Variants in GNAI3 observed in about 807,000 individuals in gnomAD.
GNAI3 encodes guanine nucleotide-binding protein G(i) subunit alpha-3.
GNAI3 carries 12 observed loss-of-function variants against 41.8 expected under a neutral mutation model. That is an observed-to-expected ratio of 0.29 (90% CI 0.18 to 0.47). The LOEUF (loss-of-function observed/expected upper bound fraction) is 0.47. Among genes scored for constraint, GNAI3 ranks in the 20% least tolerant of loss-of-function variants. The pLI, the probability that GNAI3 is intolerant of heterozygous loss-of-function variation, is 1.00. For missense variants in GNAI3, 360 were observed against 429.6 expected, an observed-to-expected ratio of 0.84 and a Z score of 1.43; for synonymous variants, 132 against 146.5, an observed-to-expected ratio of 0.90 and a Z score of 0.71.
intron 1 of GNAI3, among the ~76,000 whole-genome samples, chr1:109,556,375 G>A (rs1431796966): frequency 6.6e-6 from 1 of 151,978 alleles, no homozygotes; most frequent in East Asian, 1.9e-4. Context: ...CTGTAACCAG[G>A]AAAAAACAAT....
rs561876959 is a variant in GNAI3 at position 109,594,716 on chromosome 1, G to C, written c.*2394G>C. 1 of 142,886 alleles carries C rather than the reference G, an allele frequency of 7.0e-6. No homozygotes were observed. Among genetic ancestry groups the C allele is most frequent in the African/African-American group, 2.6e-5 (1 of 37,856 alleles). The allele number at this position is 142,886 out of a possible 1,614,324, so 8.9% of individuals were successfully genotyped here. ...CGCCCAGGCTGGAGTGCAGTGGCGC[G>C]ATCTCGGCTTATTGCAAGCTCTGCC... is the stretch of plus-strand genomic sequence containing the variant. On this transcript the variant is annotated 3_prime_UTR_variant, in exon 9 of 9. Coordinates refer to ENST00000369851, the MANE Select transcript of GNAI3 (RefSeq NM_006496.4).
At chr1:109,553,759 C>T (rs1386102696) in intron 1 of GNAI3, among the ~76,000 whole-genome samples, 1 of 152,088 alleles carries the variant, frequency 6.6e-6, no homozygotes. Context: ...TGTTTGGTTA[C>T]GTGAATAAGT....
Position 109,565,053 on chromosome 1 carries a change from G to T in GNAI3, c.119-8684G>T, listed in dbSNP as rs144284559. On this transcript the variant is annotated intron_variant, in intron 1 of 8. Transcript: ENST00000369851. ...CGAGGCTGGTGGATCATGAGGTCAA[G>T]AGTTCAAGACCAGCCTGGCCAAGAT... Among the ~76,000 whole-genome samples the T allele has an allele frequency of 6.7e-4, 102 of 152,088 alleles. 1 individual carries two copies. In the East Asian group the frequency reaches 0.018, roughly 27 times the overall value.
Position 109,598,627 on chromosome 1 carries a change from G to A in GNAI3, c.*6305G>A, listed in dbSNP as rs1649372793. On this transcript the variant is annotated 3_prime_UTR_variant, in exon 9 of 9. Transcript: ENST00000369851. ...ATTCATTTTGAAGACCTGAAATGAA[G>A]TTGAACTATAAATTGCTCTAAAATT... 4.3e-6 allele frequency: 1 copy of A among 232,966 alleles called. No individual in the cohort carries two copies. The highest frequency in any genetic ancestry group is 4.7e-5 in the South Asian group (1 of 21,242). 14.4% of individuals were successfully genotyped at this position (232,966 alleles called of 1,614,324 possible).
At chr1:109,576,428 T>G (rs528610552) in intron 3 of GNAI3, among the ~76,000 whole-genome samples, 9 of 151,984 alleles carry the variant, frequency 5.9e-5, no homozygotes, top group Non-Finnish European at 1.3e-4. Flanking sequence ...TAGAGCTGAG[T>G]GTGGAATAGG....
chr1:109,598,404 A>T lies in GNAI3; in HGVS notation c.*6082A>T, dbSNP rs958827192. On this transcript the variant is annotated 3_prime_UTR_variant, in exon 9 of 9. Coordinates refer to ENST00000369851, the MANE Select transcript of GNAI3 (RefSeq NM_006496.4). The stretch of plus-strand genomic sequence containing the variant: ...TTCAGTCTTAAATCACTCATCTGTT[A>T]TCTAAAGATGGACTAAATTATTCCT... The T allele has an allele frequency of 2.0e-5, 3 of 153,030 alleles. No individual in the cohort carries two copies. Among genetic ancestry groups the T allele is most frequent in the East Asian group, 1.9e-4 (1 of 5,212 alleles). The allele number at this position is 153,030 out of a possible 1,614,324, so 9.5% of individuals were successfully genotyped here.
At chr1:109,571,624 C>T (rs974583073) in intron 1 of GNAI3, among the ~76,000 whole-genome samples, 1 of 152,024 alleles carries the variant, frequency 6.6e-6, no homozygotes, top group Non-Finnish European at 1.5e-5. Flanking sequence ...AGTGTTTAAG[C>T]CATGAGATTA....
intron 1 of GNAI3, among the ~76,000 whole-genome samples, chr1:109,570,555 G>A (rs975622385): frequency 3.3e-5 from 5 of 152,196 alleles, no homozygotes; most frequent in Admixed American, 2.0e-4. Context: ...GACGGGGTGG[G>A]AGCTATTTAG....
chr1:109,561,409 G>T (rs1648304492), intron 1 of GNAI3, among the ~76,000 whole-genome samples: 1 of 152,126 alleles, frequency 6.6e-6, no homozygotes, highest in Admixed American at 6.6e-5. Flanking sequence ...AAAACACTCA[G>T]GGATTAATAT....
intron 4 of GNAI3, among the ~76,000 whole-genome samples, chr1:109,580,407 C>T (rs1648863137): frequency 6.6e-6 from 1 of 152,048 alleles, no homozygotes. Context: ...GTTTTTTCTC[C>T]AATATTACTG....
chr1:109,562,925 A>G (rs183126974), intron 1 of GNAI3, among the ~76,000 whole-genome samples: 8 of 152,316 alleles, frequency 5.3e-5, no homozygotes, highest in African/African-American at 1.7e-4. Context: ...TTAAAATGAA[A>G]TATTTGGATT....
At chr1:109,555,977 T>C (rs879641638) in intron 1 of GNAI3, among the ~76,000 whole-genome samples, 9,471 of 148,970 alleles carry the variant, frequency 0.064, 361 homozygotes, top group Middle Eastern at 0.09. Context: ...TGTGTGTGTG[T>C]GTGTGTGTGT....
Position 109,598,897 on chromosome 1 carries a change from G to A in GNAI3, c.*6575G>A, listed in dbSNP as rs1308528957. The A allele has an allele frequency of 3.7e-6, 2 of 534,800 alleles. No individual in the cohort carries two copies. The highest frequency in any genetic ancestry group is 7.7e-6 in the Non-Finnish European group (2 of 260,006). 33.1% of individuals were successfully genotyped at this position (534,800 alleles called of 1,614,324 possible). Reference sequence around the variant, plus strand: ...TTCTGGAATCTGTGCTCTGGGGGCTGTGCCGGGTAGAGAGGGCAGTGGGAG... The same window carrying A: ...TTCTGGAATCTGTGCTCTGGGGGCTATGCCGGGTAGAGAGGGCAGTGGGAG... On this transcript the variant is annotated 3_prime_UTR_variant, in exon 9 of 9. Transcript: ENST00000369851.
intron 1 of GNAI3, among the ~76,000 whole-genome samples, chr1:109,559,153 G>C: frequency 6.6e-6 from 1 of 151,870 alleles, no homozygotes; most frequent in Non-Finnish European, 1.5e-5. Context: ...ACTCCATCCA[G>C]CCTGGGTGAC....
intron 5 of GNAI3, among the ~76,000 whole-genome samples, 182 bp downstream of exon 5, chr1:109,582,747 A>G (rs954800850): frequency 1.3e-5 from 2 of 152,210 alleles, no homozygotes; most frequent in Non-Finnish European, 2.9e-5. Flanking sequence ...GTTTCTCCAA[A>G]TAGCGTCAAA....
chr1:109,559,679 A>C (rs180705236), intron 1 of GNAI3, among the ~76,000 whole-genome samples: 17 of 152,356 alleles, frequency 1.1e-4, no homozygotes, highest in Non-Finnish European at 2.2e-4. Context: ...TGTTCAAAAG[A>C]AAATACAAAG....
chr1:109,582,299 C>A (rs935448417), intron 4 of GNAI3, 138 bp from the exon 5 acceptor site: 8 of 571,434 alleles, frequency 1.4e-5, no homozygotes, highest in Non-Finnish European at 2.5e-5. Flanking sequence ...CTTATCATTT[C>A]TATGATACTG....
chr1:109,560,529 G>A (rs1335852286), intron 1 of GNAI3, among the ~76,000 whole-genome samples: 2 of 151,998 alleles, frequency 1.3e-5, no homozygotes, highest in African/African-American at 2.4e-5. Flanking sequence ...AGTTGAGGCC[G>A]GAGGACTAGC....
chr1:109,589,696 T>G, intron 7 of GNAI3, among the ~76,000 whole-genome samples: 1 of 152,226 alleles, frequency 6.6e-6, no homozygotes, highest in East Asian at 1.9e-4. Flanking sequence ...GTACAACTTG[T>G]ATGAAACTCA....
Sources: gnomAD v4.1 joint callset for allele counts (sites outside exome capture counted in the v4.1 genomes callset) on GRCh38, gnomAD v4.1.1 for gene constraint, MANE v1.5 for transcripts, NCBI Gene and HGNC (gene_info 2026-07-23, HGNC 2026-07-21) for gene names.